ITM2C: variants seen among roughly 807,000 people sequenced by gnomAD.
ITM2C encodes BRICHOS domain containing 2C.
In ITM2C, 20 loss-of-function variants were observed where a neutral mutation model predicts 30.0. The ratio of observed to expected loss-of-function variants is 0.67; its 90% CI spans 0.47 to 0.97. ITM2C has a LOEUF of 0.97. Ranked by LOEUF, ITM2C falls within the 50% of genes least tolerant of loss-of-function variation. ITM2C has a pLI of 0.00. For missense variants in ITM2C, 366 were observed against 371.9 expected, an observed-to-expected ratio of 0.98 and a Z score of 0.13; for synonymous variants, 167 against 156.4, an observed-to-expected ratio of 1.07 and a Z score of -0.51.
Position 230,865,018 on chromosome 2 carries a change from G to T in ITM2C, c.-8G>T. ...GGCTGCGGGGCGGACGCGCGGGCCG[G>T]CGCAGCCATGGTGAAGATTAGCTTC... On this transcript the variant is annotated 5_prime_UTR_variant, in exon 1 of 6. Coordinates refer to ENST00000326427, the MANE Select transcript of ITM2C (RefSeq NM_030926.6). The surrounding 1 kb of genome is among the most constrained non-coding windows in gnomAD (Gnocchi z 6.8). The T allele has an allele frequency of 6.7e-7, 1 of 1,491,128 alleles. No individual in the cohort carries two copies. The highest frequency in any genetic ancestry group is 9.0e-7 in the Non-Finnish European group (1 of 1,112,196). The allele number at this position is 1,491,128 out of a possible 1,614,324, so 92.4% of individuals were successfully genotyped here.
chr2:230,873,961 A>G (rs1218019750), intron 2 of ITM2C, among the ~76,000 whole-genome samples: 2 of 152,174 alleles, frequency 1.3e-5, no homozygotes, highest in East Asian at 3.9e-4. Context: ...GGGTTACCAA[A>G]CAAGAGAGGG....
chr2:230,868,463 T>TCACACA (rs10675424), intron 1 of ITM2C, among the ~76,000 whole-genome samples: 5,437 of 150,346 alleles, frequency 0.036, 110 homozygotes, highest in African/African-American at 0.043. Flanking sequence ...GTGCCTGCAC[T>TCACACA]CACACACACA....
In ITM2C at chr2:230,877,593, C is replaced by T; in HGVS notation, c.712+43C>T. Reference sequence around the variant, plus strand: ...CCCACAGTAGCCCCTGTCCCGTGCCCCAGACCACAGTTATCTTCACGCCTA... The same window carrying T: ...CCCACAGTAGCCCCTGTCCCGTGCCTCAGACCACAGTTATCTTCACGCCTA... On this transcript the variant is annotated intron_variant, in intron 5 of 5. Transcript: ENST00000326427. The surrounding 1 kb of genome is among the most constrained non-coding windows in gnomAD (Gnocchi z 4.8). 1 of 1,606,700 alleles carries T rather than the reference C, an allele frequency of 6.2e-7. No individual in the cohort carries two copies. Among genetic ancestry groups the T allele is most frequent in the Non-Finnish European group, 8.5e-7 (1 of 1,176,470 alleles).
Position 230,878,198 on chromosome 2 carries a change from C to A in ITM2C, c.*99C>A. On this transcript the variant is annotated 3_prime_UTR_variant, in exon 6 of 6. Transcript: ENST00000326427. This position sits in a 1 kb window ranked among gnomAD's most constrained non-coding sequence, Gnocchi z 4.5. ...CCCCCTGCTTAGCTTGTACTTTGGA[C>A]GCGTTTCTATAGAGGTGACATGTCT... 1.2e-6 allele frequency: 1 copy of A among 816,386 alleles called. No homozygotes were observed. The highest frequency in any genetic ancestry group is 1.9e-6 in the Non-Finnish European group (1 of 532,494). 50.6% of individuals were successfully genotyped at this position (816,386 alleles called of 1,614,324 possible). A position where few individuals can be genotyped will look rare whatever the true frequency, so the allele number is the denominator to read the frequency against.
chr2:230,868,253 C>T (rs577653179), intron 1 of ITM2C, among the ~76,000 whole-genome samples: 4 of 152,126 alleles, frequency 2.6e-5, no homozygotes, highest in African/African-American at 4.8e-5. Flanking sequence ...TCCAGCTGCC[C>T]GGCCTCCCCC....
chr2:230,869,964 C>G (rs1329075673), intron 1 of ITM2C, among the ~76,000 whole-genome samples: 2 of 152,252 alleles, frequency 1.3e-5, no homozygotes, highest in African/African-American at 4.8e-5. Flanking sequence ...AGATACCTCA[C>G]TGTCAGTAAC....
intron 2 of ITM2C, 79 bp from the exon 3 acceptor site, chr2:230,875,541 G>A: frequency 7.7e-7 from 1 of 1,294,796 alleles, no homozygotes; most frequent in Non-Finnish European, 1.1e-6. Context: ...GTAGCGGACG[G>A]GTAGGCAAGA....
intron 1 of ITM2C, among the ~76,000 whole-genome samples, chr2:230,866,924 G>A (rs935684944): frequency 3.3e-5 from 5 of 152,212 alleles, no homozygotes; most frequent in Non-Finnish European, 7.3e-5. Flanking sequence ...CTGATGGCAT[G>A]GGTTTGGGCA....
intron 3 of ITM2C, among the ~76,000 whole-genome samples, chr2:230,876,057 CGTTGT>C (rs1697288070): frequency 6.6e-6 from 1 of 152,102 alleles, no homozygotes; most frequent in South Asian, 2.1e-4. Flanking sequence ...AGGGCCAGTG[CGTTGT>C]ATCGAGGGGT....
At chr2:230,870,508 A>G (rs1697138275) in intron 1 of ITM2C, among the ~76,000 whole-genome samples, 1 of 152,184 alleles carries the variant, frequency 6.6e-6, no homozygotes, top group Non-Finnish European at 1.5e-5. Context: ...GCCATGAGAG[A>G]GAAGTGCCCA....
At chr2:230,873,684 C>T (rs1001229758) in intron 2 of ITM2C, 127 bp downstream of exon 2, 18 of 918,858 alleles carry the variant, frequency 2.0e-5, no homozygotes, top group African/African-American at 6.7e-5. Flanking sequence ...AGCGAGTGCC[C>T]GGCCAGCCCA....
chr2:230,875,505 C>T, intron 2 of ITM2C, 115 bp from the exon 3 acceptor site: 1 of 893,246 alleles, frequency 1.1e-6, no homozygotes, highest in Non-Finnish European at 1.7e-6. Context: ...CCCTGCTCTT[C>T]TTGCTTCCGC....
chr2:230,876,748 G>A lies in ITM2C; in HGVS notation c.451-109G>A, dbSNP rs1411446343. 4 of 690,432 alleles carry A rather than the reference G, an allele frequency of 5.8e-6. No individual in the cohort carries two copies. In the Admixed American group the frequency reaches 8.9e-5, roughly 15 times the overall value. The allele number at this position is 690,432 out of a possible 1,614,324, so 42.8% of individuals were successfully genotyped here. On this transcript the variant is annotated intron_variant, in intron 3 of 5. Transcript: ENST00000326427. ...GCCCGCCTCAGCCTCCCAAAGTGCT[G>A]GGATTACAGGCATGAGCCACCGCGC...
upstream of ITM2C, among the ~76,000 whole-genome samples, chr2:230,864,337 A>G (rs1036805073): frequency 6.9e-4 from 105 of 152,236 alleles, no homozygotes; most frequent in African/African-American, 2.4e-3. The surrounding 1 kb of genome is among the most constrained non-coding windows in gnomAD (Gnocchi z 4.3). Flanking sequence ...AGGACCCCCC[A>G]GGAAGGTTTT....
chr2:230,868,548 G>A (rs1284665188), intron 1 of ITM2C, among the ~76,000 whole-genome samples: 1 of 152,030 alleles, frequency 6.6e-6, no homozygotes. Flanking sequence ...GGCTGTAAGG[G>A]GAGAAAAACA....
intron 2 of ITM2C, 100 bp downstream of exon 2, chr2:230,873,657 A>G: frequency 6.5e-6 from 8 of 1,231,516 alleles, no homozygotes; most frequent in Non-Finnish European, 8.9e-6. Context: ...GAAGCCCCAG[A>G]CATGCCCTCA....
At chr2:230,875,351 C>A (rs560592177) in intron 2 of ITM2C, among the ~76,000 whole-genome samples, 1 of 152,332 alleles carries the variant, frequency 6.6e-6, no homozygotes, top group East Asian at 1.9e-4. Flanking sequence ...TAGAACCTGG[C>A]AGACCCAGCT....
At chr2:230,866,040 G>T (rs911165847) in intron 1 of ITM2C, among the ~76,000 whole-genome samples, 3 of 152,210 alleles carry the variant, frequency 2.0e-5, no homozygotes, top group Non-Finnish European at 4.4e-5. Flanking sequence ...CATTTCCGCC[G>T]TGGAAAACTG....
At chr2:230,868,757 G>A (rs1697093859) in intron 1 of ITM2C, among the ~76,000 whole-genome samples, 1 of 152,186 alleles carries the variant, frequency 6.6e-6, no homozygotes, top group Non-Finnish European at 1.5e-5. Flanking sequence ...TGCCAGCCAG[G>A]AGGGCAAATC....
Sources: gnomAD v4.1 joint callset for allele counts (sites outside exome capture counted in the v4.1 genomes callset) on GRCh38, gnomAD v4.1.1 for gene constraint, Gnocchi (gnomAD v3.1) non-coding constraint, MANE v1.5 for transcripts, NCBI Gene and HGNC (gene_info 2026-07-23, HGNC 2026-07-21) for gene names.